PP2D1: variants seen among roughly 807,000 people sequenced by gnomAD.
PP2D1 encodes the protein protein phosphatase 2C like domain containing 1.
A neutral mutation model predicts 30.2 loss-of-function variants in PP2D1; 25 were observed. The observed-to-expected ratio is 0.83, with a 90% CI of 0.60 to 1.16. The LOEUF (loss-of-function observed/expected upper bound fraction) is 1.16, where lower values mean the gene tolerates loss of function less well. PP2D1 is among the 50% of genes most tolerant of loss of function. The pLI, the probability that PP2D1 is intolerant of heterozygous loss-of-function variation, is 0.00. For missense variants in PP2D1, 760 were observed against 742.4 expected (o/e 1.02, Z -0.28); for synonymous variants, 260 against 258.9 (o/e 1.00, Z -0.04).
intron 2 of PP2D1, among the ~76,000 whole-genome samples, chr3:19,993,561 C>T (rs573845234): frequency 2.0e-5 from 3 of 152,168 alleles, no homozygotes; most frequent in South Asian, 4.2e-4. Context: ...CATGGTGAAA[C>T]CCCGTCTTTA....
chr3:19,981,558 G>A (rs962273363), downstream of PP2D1, among the ~76,000 whole-genome samples: 13 of 152,022 alleles, frequency 8.6e-5, no homozygotes, highest in Non-Finnish European at 1.2e-4. Flanking sequence ...AGGTTGTAGC[G>A]AGCTGAGATC....
chr3:20,010,086 C>T (rs1697367320), intron 1 of PP2D1, among the ~76,000 whole-genome samples: 1 of 151,924 alleles, frequency 6.6e-6, no homozygotes, highest in African/African-American at 2.4e-5. Context: ...TATCCCCATC[C>T]ACCTTATTTT....
chr3:20,009,157 A>G (rs1047530429), intron 1 of PP2D1, among the ~76,000 whole-genome samples: 1 of 152,156 alleles, frequency 6.6e-6, no homozygotes, highest in East Asian at 1.9e-4. Flanking sequence ...GCTATGTTAC[A>G]TGGTTTAAGA....
chr3:20,008,756 A>T (rs977551180), intron 1 of PP2D1, among the ~76,000 whole-genome samples: 7 of 152,004 alleles, frequency 4.6e-5, no homozygotes, highest in African/African-American at 1.7e-4. Context: ...TCTCTTAAAC[A>T]AAAAAAATTC....
At chr3:20,000,265 T>G (rs6550273) in intron 2 of PP2D1, among the ~76,000 whole-genome samples, 32,545 of 152,100 alleles carry the variant, frequency 0.21, 3,857 homozygotes, top group South Asian at 0.32. Flanking sequence ...TCACTAGATA[T>G]CAAAGTTATT....
At chr3:19,984,527 C>G (rs1350794984), downstream of PP2D1, 1 of 179,920 alleles carries the variant, frequency 5.6e-6, no homozygotes, top group Non-Finnish European at 1.2e-5. Context: ...CATGTGAGTT[C>G]TTTAACAAAA....
intron 1 of PP2D1, among the ~76,000 whole-genome samples, chr3:20,004,917 G>A (rs1697299906): frequency 1.3e-5 from 2 of 152,028 alleles, no homozygotes; most frequent in Non-Finnish European, 2.9e-5. Flanking sequence ...GACCAGCCTG[G>A]GCAACATAGT....
rs1313547862 is a variant in PP2D1, at chr3:19,985,853, ATGT to A, written c.1417_1419del (p.Thr473del). 2.6e-6 allele frequency: 4 copies of A among 1,536,344 alleles called. No homozygotes were observed. The highest frequency in any genetic ancestry group is 2.4e-5 in the East Asian group (1 of 40,900). On this transcript the variant is annotated inframe_deletion, in exon 3 of 3. Coordinates refer to ENST00000389050, the MANE Select transcript of PP2D1 (RefSeq NM_001252657.2). The stretch of plus-strand genomic sequence containing the variant: ...CAGTATGTTTCTTTATACATGTGAA[ATGT>A]TGTCATTGCCAGGGCAGTAACTTCC...
intron 1 of PP2D1, among the ~76,000 whole-genome samples, chr3:20,009,597 AG>A (rs1453055828): frequency 2.6e-5 from 4 of 152,226 alleles, no homozygotes; most frequent in African/African-American, 9.6e-5. Flanking sequence ...AATATCTTTA[AG>A]ATGCTAGCCA....
At chr3:20,011,344 A>G (rs977079177) in intron 1 of PP2D1, among the ~76,000 whole-genome samples, 1 of 152,184 alleles carries the variant, frequency 6.6e-6, no homozygotes, top group African/African-American at 2.4e-5. Context: ...CTATTGGGAC[A>G]ATATATAAAG....
downstream of PP2D1, chr3:19,984,805 A>G (rs1697001893): frequency 6.5e-6 from 1 of 153,180 alleles, no homozygotes; most frequent in Non-Finnish European, 1.5e-5. Context: ...TACTGTTACT[A>G]AAACAGCTAA....
At chr3:19,996,426 G>A (rs922117636) in intron 2 of PP2D1, among the ~76,000 whole-genome samples, 2 of 152,068 alleles carry the variant, frequency 1.3e-5, no homozygotes, top group African/African-American at 2.4e-5. Context: ...ACAAGTAGCA[G>A]GATTGAGTCA....
intron 2 of PP2D1, among the ~76,000 whole-genome samples, chr3:19,994,685 C>T (rs950367911): frequency 6.6e-6 from 1 of 152,226 alleles, no homozygotes. Context: ...ACTGGATTTA[C>T]ACTTTCATCT....
chr3:20,002,172 C>A, intron 1 of PP2D1, 76 bp from the exon 2 acceptor site: 1 of 919,188 alleles, frequency 1.1e-6, no homozygotes, highest in Non-Finnish European at 1.6e-6. Flanking sequence ...GTTATCATTG[C>A]AATTTGATTT....
chr3:20,009,133 A>T (rs1045784902), intron 1 of PP2D1, among the ~76,000 whole-genome samples: 6 of 152,198 alleles, frequency 3.9e-5, no homozygotes, highest in Admixed American at 3.9e-4. Context: ...TGTTTATATC[A>T]TCACTTAGTT....
chr3:19,992,972 G>T (rs551054148), intron 2 of PP2D1, among the ~76,000 whole-genome samples: 2 of 152,224 alleles, frequency 1.3e-5, no homozygotes, highest in East Asian at 3.9e-4. Context: ...GTTCCAGGCT[G>T]CAGTATCCTC....
At chr3:19,993,116 GA>G (rs1213730552) in intron 2 of PP2D1, among the ~76,000 whole-genome samples, 4 of 152,118 alleles carry the variant, frequency 2.6e-5, no homozygotes, top group African/African-American at 4.8e-5. Flanking sequence ...CCTGGTCTCT[GA>G]ATCTACTGTG....
downstream of PP2D1, chr3:19,984,750 T>G (rs1276930471): frequency 2.0e-5 from 3 of 153,052 alleles, no homozygotes; most frequent in African/African-American, 7.2e-5. Context: ...ATATCTGTAT[T>G]ACTTTTCTGT....
chr3:19,985,754 AT>A lies in PP2D1; in HGVS notation c.1518del (p.Lys506AsnfsTer45). On this transcript the variant is annotated frameshift_variant, in exon 3 of 3. Coordinates refer to ENST00000389050, the MANE Select transcript of PP2D1 (RefSeq NM_001252657.2). LOFTEE classifies it low-confidence loss of function (END_TRUNC). ...LFSTSEPNLT[K>X]SQSNIHVLFQ... is the part of the protein sequence containing the mutation. ...AACAATACGTGGATATTACTCTGTGATTTAGTAAGGTTTGGTTCACTGGTTG... is the reference window on the plus strand; with the variant it reads ...AACAATACGTGGATATTACTCTGTGATTAGTAAGGTTTGGTTCACTGGTTG... 1 of 1,536,084 alleles carries A rather than the reference AT, an allele frequency of 6.5e-7. No individual in the cohort carries two copies.
Sources: allele counts gnomAD v4.1 joint callset (sites outside exome capture counted in the v4.1 genomes callset), GRCh38; gene constraint gnomAD v4.1.1; transcripts MANE v1.5; gene names NCBI Gene and HGNC (gene_info 2026-07-23, HGNC 2026-07-21).